The following CSPP1 variants were observed in gnomAD, a reference collection of about 807,000 sequenced individuals.
The protein encoded by CSPP1 is centrosome and spindle pole-associated protein 1.
A neutral mutation model predicts 164.4 loss-of-function variants in CSPP1; 126 were observed. The ratio of observed to expected loss-of-function variants is 0.77; its 90% CI spans 0.66 to 0.89. The LOEUF is 0.89. CSPP1 is among the 40% of genes least tolerant of loss of function. The pLI, the probability that CSPP1 is intolerant of heterozygous loss-of-function variation, is 0.00. For missense variants in CSPP1, 1,395 were observed against 1,449.8 expected (o/e 0.96, Z 0.61); for synonymous variants, 472 against 476.7 (o/e 0.99, Z 0.13).
chr8:67,112,234 GTTTTT>G (rs375921547), intron 10 of CSPP1, among the ~76,000 whole-genome samples, 169 bp downstream of exon 10: 7 of 123,088 alleles, frequency 5.7e-5, no homozygotes, highest in South Asian at 5.2e-4. Context: ...TACTAAGAGA[GTTTTT>G]TTTTTTTTTT....
chr8:67,109,856 G>A (rs1456189464), intron 9 of CSPP1, among the ~76,000 whole-genome samples: 1 of 152,164 alleles, frequency 6.6e-6, no homozygotes, highest in East Asian at 1.9e-4. Flanking sequence ...GAATTAAAAA[G>A]CTTTTGTAAG....
rs1376397371 is a variant in CSPP1, at chr8:67,115,936, G to A, written c.1310G>A (p.Ser437Asn). The A allele has an allele frequency of 6.2e-7, 1 of 1,613,680 alleles. No homozygotes were observed. The highest frequency in any genetic ancestry group is 1.7e-5 in the Admixed American group (1 of 59,976). Residue 437 changes from serine to asparagine, a missense_variant, in exon 13 of 31, where the codon AGT becomes AAT. By Grantham distance (46) the Ser-to-Asn change is conservative. Transcript: ENST00000678616. The part of the protein sequence containing the change: ...KEEPDRLKQF[S>N]VAPRHFEEMI... ...TAGCCTGATAGACTAAAGCAGTTTA[G>A]TGTGGCACCAAGACACTTTGAAGAG...
intron 21 of CSPP1, 95 bp from the exon 22 acceptor site, chr8:67,161,716 G>A (rs1828389570): frequency 1.6e-6 from 1 of 632,398 alleles, no homozygotes; most frequent in Non-Finnish European, 2.8e-6. Flanking sequence ...AAACTTCTTA[G>A]ATGACTTTCT....
intron 16 of CSPP1, chr8:67,134,822 C>T (rs1009074990): frequency 6.6e-6 from 1 of 152,358 alleles, no homozygotes; most frequent in Non-Finnish European, 1.5e-5. Context: ...CTCGGCCTCC[C>T]AGAGTGCTGG....
At chr8:67,140,257 G>T (rs542024976) in intron 17 of CSPP1, among the ~76,000 whole-genome samples, 30 of 152,136 alleles carry the variant, frequency 2.0e-4, no homozygotes, top group African/African-American at 7.2e-4. Flanking sequence ...GCTAATTTTT[G>T]TATTTTTATT....
chr8:67,156,614 TATA>T (rs1190659515), intron 19 of CSPP1, among the ~76,000 whole-genome samples: 7 of 152,092 alleles, frequency 4.6e-5, no homozygotes, highest in Non-Finnish European at 8.8e-5. Flanking sequence ...CTGTCAACAA[TATA>T]ATGTCAGATA....
chr8:67,118,669 T>C (rs1418245364), intron 14 of CSPP1, 74 bp from the exon 15 acceptor site: 2 of 1,051,542 alleles, frequency 1.9e-6, no homozygotes, highest in Non-Finnish European at 2.8e-6. Flanking sequence ...CACCTTTTTC[T>C]GGAGGAATAA....
rs1837902830 is a variant in CSPP1, at chr8:67,196,193, T to TTTGTC, written c.*605_*609dup. ...TTCTATTTTTATGCCAATGAAGGCA[T>TTTGTC]TTGTCTTGTTACTAATTACATGATG... is the stretch of plus-strand genomic sequence containing the variant. On this transcript the variant is annotated 3_prime_UTR_variant, in exon 31 of 31. Coordinates refer to ENST00000678616, the MANE Select transcript of CSPP1 (RefSeq NM_001382391.1). 1 of 152,288 alleles carries TTTGTC rather than the reference T, an allele frequency of 6.6e-6. No homozygotes were observed. The highest frequency in any genetic ancestry group is 1.5e-5 in the Non-Finnish European group (1 of 68,094). 9.4% of individuals were successfully genotyped at this position (152,288 alleles called of 1,614,324 possible).
At chr8:67,082,305 C>T (rs976660313) in intron 3 of CSPP1, among the ~76,000 whole-genome samples, 2 of 152,220 alleles carry the variant, frequency 1.3e-5, no homozygotes, top group African/African-American at 2.4e-5. Flanking sequence ...CCACCTTGGC[C>T]TCCCAAAGTG....
chr8:67,064,990 C>T (rs1304417622), intron 1 of CSPP1: 1 of 155,506 alleles, frequency 6.4e-6, no homozygotes, highest in Non-Finnish European at 1.4e-5. Flanking sequence ...ACCTCCAGGG[C>T]CCGGGGGCGA....
chr8:67,094,430 C>T (rs1283522305), intron 6 of CSPP1, among the ~76,000 whole-genome samples: 1 of 151,526 alleles, frequency 6.6e-6, no homozygotes, highest in African/African-American at 2.4e-5. Flanking sequence ...CCTGCCACCA[C>T]GCCTGGCTAA....
chr8:67,147,762 T>G (rs569860516), intron 17 of CSPP1, among the ~76,000 whole-genome samples: 1 of 152,246 alleles, frequency 6.6e-6, no homozygotes, highest in East Asian at 1.9e-4. Flanking sequence ...TCTGCTAGGT[T>G]TGTGAGCATG....
intron 15 of CSPP1, among the ~76,000 whole-genome samples, chr8:67,126,111 C>T (rs1485500576): frequency 2.0e-5 from 3 of 152,150 alleles, no homozygotes; most frequent in Non-Finnish European, 4.4e-5. Context: ...GGATTACAGG[C>T]GTGAGCCACT....
At position 67,187,551 on chromosome 8, in the gene CSPP1, GCA is replaced by G. The variant is rs1835020053; in HGVS notation, c.3221-3093_3221-3092del. On this transcript the variant is annotated intron_variant, in intron 28 of 30. Coordinates refer to ENST00000678616, the MANE Select transcript of CSPP1 (RefSeq NM_001382391.1). ...ATATTTTAAATTAGCCGATGTGGTG[GCA>G]CACACCTGAAGTCCTAGCTATTTGG... Among the ~76,000 whole-genome samples, 2 of 152,082 alleles carry G rather than the reference GCA, an allele frequency of 1.3e-5. 1 individual carries two copies. Among genetic ancestry groups the G allele is most frequent in the South Asian group, 4.1e-4 (2 of 4,832 alleles).
intron 24 of CSPP1, among the ~76,000 whole-genome samples, chr8:67,169,008 G>A (rs896913144): frequency 2.6e-5 from 4 of 152,118 alleles, no homozygotes; most frequent in Non-Finnish European, 5.9e-5. Flanking sequence ...CCCAGTGAAT[G>A]CTCCCCTGCA....
At chr8:67,101,630 C>T (rs1419238581) in intron 7 of CSPP1, among the ~76,000 whole-genome samples, 2 of 152,108 alleles carry the variant, frequency 1.3e-5, no homozygotes, top group Non-Finnish European at 2.9e-5. Flanking sequence ...GCCATTCATG[C>T]GTTATGCCAT....
At chr8:67,161,747 G>A in intron 21 of CSPP1, 64 bp from the exon 22 acceptor site, 1 of 801,178 alleles carries the variant, frequency 1.2e-6, no homozygotes, top group Admixed American at 1.8e-5. Flanking sequence ...GGGTGTGTGT[G>A]TGTGTATATA....
At chr8:67,132,448 T>TA (rs1360008288) in intron 16 of CSPP1, among the ~76,000 whole-genome samples, 2 of 152,174 alleles carry the variant, frequency 1.3e-5, no homozygotes, top group Non-Finnish European at 2.9e-5. Context: ...TTTCATCTGG[T>TA]TATGGGCAGC....
chr8:67,190,009 A>C (rs900845305), intron 28 of CSPP1, among the ~76,000 whole-genome samples: 1 of 152,214 alleles, frequency 6.6e-6, no homozygotes, highest in African/African-American at 2.4e-5. Context: ...TGTAAAATGT[A>C]AACAGGTTGG....
Sources: gnomAD v4.1 joint callset for allele counts (sites outside exome capture counted in the v4.1 genomes callset) on GRCh38, gnomAD v4.1.1 for gene constraint, MANE v1.5 for transcripts, NCBI Gene and HGNC (gene_info 2026-07-23, HGNC 2026-07-21) for gene names.